The following KCNIP4 variants were observed in gnomAD, a reference collection of about 807,000 sequenced individuals.
KCNIP4 encodes the protein potassium voltage-gated channel interacting protein 4.
A neutral mutation model predicts 34.0 loss-of-function variants in KCNIP4; 12 were observed. The observed-to-expected ratio is 0.35, with a 90% confidence interval of 0.23 to 0.57. KCNIP4 has a LOEUF of 0.57. KCNIP4 is among the 20% of genes least tolerant of loss of function. The pLI, the probability that KCNIP4 is intolerant of heterozygous loss-of-function variation, is 0.83. For missense variants in KCNIP4, 238 were observed against 311.7 expected, an observed-to-expected ratio of 0.76 and a Z score of 1.78; for synonymous variants, 124 against 102.2, an observed-to-expected ratio of 1.21 and a Z score of -1.29.
At chr4:20,734,897 A>G (rs1188396468) in intron 5 of KCNIP4, among the ~76,000 whole-genome samples, 162 bp from the exon 6 acceptor site, 1 of 152,214 alleles carries the variant, frequency 6.6e-6, no homozygotes, top group Non-Finnish European at 1.5e-5. Context: ...CTCTGTGGGC[A>G]TAAATCACTC....
chr4:21,127,847 A>G (rs7660973), intron 1 of KCNIP4, among the ~76,000 whole-genome samples: 68,274 of 152,042 alleles, frequency 0.45, 15,580 homozygotes, highest in African/African-American at 0.48. Context: ...TTTGCTAAGC[A>G]TGCTGTCCCT....
intron 1 of KCNIP4, among the ~76,000 whole-genome samples, chr4:21,099,163 G>A (rs1747717036): frequency 6.6e-6 from 1 of 152,078 alleles, no homozygotes; most frequent in African/African-American, 2.4e-5. Context: ...AAAAATACAT[G>A]CACACACATG....
At position 20,729,332 on chromosome 4, in the gene KCNIP4, G is replaced by GATAC. The variant is rs1747142156; in HGVS notation, c.*746_*749dup. On this transcript the variant is annotated 3_prime_UTR_variant, in exon 9 of 9. Coordinates refer to ENST00000382152, the MANE Select transcript of KCNIP4 (RefSeq NM_025221.6). ...CACTTAATGATTGATACTAATGATT[G>GATAC]ATACAATAGAAAACAGCCTGTAAGA... The GATAC allele has an allele frequency of 6.6e-6, 1 of 151,432 alleles. No homozygotes were observed. Among genetic ancestry groups the GATAC allele is most frequent in the Non-Finnish European group, 1.5e-5 (1 of 67,934 alleles). The allele number at this position is 151,432 out of a possible 1,614,324, so 9.4% of individuals were successfully genotyped here.
At chr4:21,313,896 G>A (rs969792872) in intron 1 of KCNIP4, among the ~76,000 whole-genome samples, 11 of 152,172 alleles carry the variant, frequency 7.2e-5, no homozygotes, top group African/African-American at 2.7e-4. Flanking sequence ...CAAATTGAGT[G>A]ACTTAGAACA....
intron 1 of KCNIP4, among the ~76,000 whole-genome samples, chr4:21,942,784 G>A (rs6816983): frequency 0.011 from 1,621 of 152,274 alleles, 26 homozygotes; most frequent in African/African-American, 0.035. Context: ...TTGAGACAGA[G>A]TCTCACTCTG....
chr4:21,028,109 C>T (rs1352483302), intron 1 of KCNIP4, among the ~76,000 whole-genome samples: 1 of 152,120 alleles, frequency 6.6e-6, no homozygotes, highest in Non-Finnish European at 1.5e-5. Context: ...TGGGACCCTC[C>T]ATTAGGAACT....
chr4:21,799,130 T>G (rs1300742407), intron 1 of KCNIP4, among the ~76,000 whole-genome samples: 1 of 152,148 alleles, frequency 6.6e-6, no homozygotes, highest in Non-Finnish European at 1.5e-5. Flanking sequence ...CCATTAATAA[T>G]AATAAGAGGT....
In KCNIP4 at chr4:21,453,222, CACTT is replaced by C. The variant is rs1577384000; in HGVS notation, c.61+495345_61+495348del. On this transcript the variant is annotated intron_variant, in intron 1 of 8. Coordinates refer to ENST00000382152, the MANE Select transcript of KCNIP4 (RefSeq NM_025221.6). ...CATCTAAGATCCCTCCCAATGTTGA[CACTT>C]AATTATCTGGAAGAGGATAATGACT... Among the ~76,000 whole-genome samples the C allele has an allele frequency of 2.0e-5, 3 of 152,072 alleles. No individual in the cohort carries two copies. The East Asian group carries it at 5.8e-4, about 29-fold the overall frequency.
rs1004714378 is a variant in KCNIP4, at chr4:20,732,676, C to A, written c.642+5G>T. 1 of 1,593,968 alleles carries A rather than the reference C, an allele frequency of 6.3e-7. No individual in the cohort carries two copies. Among genetic ancestry groups the A allele is most frequent in the African/African-American group, 1.3e-5 (1 of 74,454 alleles). ...TGCCCTCTTGACTTCTGTTTTAATTCCTACCTGAAAAAATGTTTCAACGTG... is the reference window on the plus strand; with the variant it reads ...TGCCCTCTTGACTTCTGTTTTAATTACTACCTGAAAAAATGTTTCAACGTG... On this transcript the variant is annotated splice_donor_5th_base_variant and intron_variant, in intron 7 of 8. Coordinates refer to ENST00000382152, the MANE Select transcript of KCNIP4 (RefSeq NM_025221.6).
intron 3 of KCNIP4, among the ~76,000 whole-genome samples, chr4:20,805,348 T>C (rs1021741452): frequency 1.3e-5 from 2 of 152,004 alleles, no homozygotes; most frequent in African/African-American, 4.8e-5. Context: ...CTTCTCCTCT[T>C]AAAGTTGCTG....
chr4:21,148,014 A>G (rs1752508697), intron 1 of KCNIP4, among the ~76,000 whole-genome samples: 2 of 151,420 alleles, frequency 1.3e-5, no homozygotes, highest in South Asian at 4.2e-4. Flanking sequence ...AAAAAAATCA[A>G]GTACTATTTT....
intron 1 of KCNIP4, among the ~76,000 whole-genome samples, chr4:21,419,165 T>C (rs758891970): frequency 6.6e-6 from 1 of 152,210 alleles, no homozygotes; most frequent in Non-Finnish European, 1.5e-5. Context: ...CCATGCTTCA[T>C]TGAGATTGAA....
At chr4:21,551,350 A>G (rs2109016042) in intron 1 of KCNIP4, among the ~76,000 whole-genome samples, 1 of 152,210 alleles carries the variant, frequency 6.6e-6, no homozygotes, top group African/African-American at 2.4e-5. Context: ...TTACAGTGAT[A>G]AATTTTACCA....
intron 1 of KCNIP4, among the ~76,000 whole-genome samples, chr4:21,154,392 G>A (rs180871414): frequency 8.5e-5 from 13 of 152,274 alleles, no homozygotes; most frequent in African/African-American, 2.9e-4. Flanking sequence ...CAGAGTATAT[G>A]CTGAATGGTC....
intron 1 of KCNIP4, among the ~76,000 whole-genome samples, chr4:21,299,482 A>G (rs868159289): frequency 6.6e-6 from 1 of 152,192 alleles, no homozygotes; most frequent in Non-Finnish European, 1.5e-5. Context: ...TTTCATTACT[A>G]GATGGTGTAA....
intron 1 of KCNIP4, among the ~76,000 whole-genome samples, chr4:21,857,713 C>T (rs1332858890): frequency 6.6e-6 from 1 of 152,206 alleles, no homozygotes; most frequent in Non-Finnish European, 1.5e-5. Flanking sequence ...TGTTTGCATA[C>T]TTCATTCTTC....
intron 1 of KCNIP4, among the ~76,000 whole-genome samples, chr4:21,711,585 C>A (rs1024364360): frequency 6.6e-6 from 1 of 152,054 alleles, no homozygotes; most frequent in African/African-American, 2.4e-5. Context: ...AAATATAAAA[C>A]ATTTTCATAT....
chr4:21,676,196 T>G (rs1294994146), intron 1 of KCNIP4, among the ~76,000 whole-genome samples: 1 of 152,134 alleles, frequency 6.6e-6, no homozygotes, highest in Non-Finnish European at 1.5e-5. Context: ...ACTTTTACAT[T>G]TTACTTCCCA....
intron 1 of KCNIP4, among the ~76,000 whole-genome samples, chr4:21,739,165 T>G (rs1716231174): frequency 6.6e-6 from 1 of 152,088 alleles, no homozygotes; most frequent in South Asian, 2.1e-4. Context: ...CATAAAAGAT[T>G]GAATCTCCGA....
Sources: allele counts gnomAD v4.1 joint callset (sites outside exome capture counted in the v4.1 genomes callset), GRCh38; gene constraint gnomAD v4.1.1; transcripts MANE v1.5; gene names NCBI Gene and HGNC (gene_info 2026-07-23, HGNC 2026-07-21).